Variants in NHS observed in about 807,000 individuals in gnomAD.
The protein encoded by NHS is actin remodeling regulator NHS.
In NHS, 5 loss-of-function variants were observed where a neutral mutation model predicts 72.5. The observed-to-expected ratio is 0.07, with a 90% CI of 0.04 to 0.14. The LOEUF (loss-of-function observed/expected upper bound fraction) is 0.14, where lower values mean the gene tolerates loss of function less well. Ranked by LOEUF, NHS falls within the 10% of genes least tolerant of loss-of-function variation. The pLI is 1.00. For missense variants in NHS, 1,072 were observed against 1,355.7 expected (o/e 0.79, Z 3.29); for synonymous variants, 464 against 547.7 (o/e 0.85, Z 2.13).
At chrX:17,700,884 A>G (rs1302004079) in intron 3 of NHS, among the ~76,000 whole-genome samples, 4 of 111,896 alleles carry the variant, frequency 3.6e-5, no homozygotes, top group African/African-American at 9.8e-5. Context: ...TGCCTACAGT[A>G]TGCTACCCTT....
chrX:17,540,251 T>C (rs976328723), intron 1 of NHS, among the ~76,000 whole-genome samples: 10 of 111,724 alleles, frequency 9.0e-5, no homozygotes, highest in African/African-American at 3.3e-4. Flanking sequence ...TGCTGAGGAC[T>C]CCATCTCTCT....
chrX:17,703,082 A>AATGT (rs200562448), intron 3 of NHS, among the ~76,000 whole-genome samples: 1,774 of 110,842 alleles, frequency 0.016, 41 homozygotes, highest in African/African-American at 0.055. Flanking sequence ...CAGCCTGGGC[A>AATGT]ACATTGTGAG....
intron 1 of NHS, among the ~76,000 whole-genome samples, chrX:17,463,644 C>T (rs1296182537): frequency 9.0e-6 from 1 of 111,231 alleles, no homozygotes; most frequent in African/African-American, 3.3e-5. Context: ...GGGAAAGGTT[C>T]CCTTTTGCCA....
At position 17,456,480 on chromosome X, in the gene NHS, A is replaced by G. The variant is rs186386539; in HGVS notation, c.565+80158A>G. On this transcript the variant is annotated intron_variant, in intron 1 of 8. Transcript: ENST00000676302. Reference sequence around the variant, plus strand: ...CTCAAGTTCCATGTTGGGGATCAATAAACTATAAAAACAAGAAGAAAAAGC... The same window carrying G: ...CTCAAGTTCCATGTTGGGGATCAATGAACTATAAAAACAAGAAGAAAAAGC... Among the ~76,000 whole-genome samples the G allele has an allele frequency of 6.2e-5, 7 of 112,243 alleles. No homozygotes were observed. In the East Asian group the frequency reaches 2.0e-3, roughly 31 times the overall value.
chrX:17,622,260 C>T (rs1396901966), intron 1 of NHS, among the ~76,000 whole-genome samples: 1 of 112,029 alleles, frequency 8.9e-6, no homozygotes, highest in Non-Finnish European at 1.9e-5. Context: ...TTTTGAAGTC[C>T]TGGAGATACA....
chrX:17,703,768 A>C (rs947398322), intron 3 of NHS, among the ~76,000 whole-genome samples: 3 of 112,342 alleles, frequency 2.7e-5, no homozygotes, highest in African/African-American at 9.7e-5. Context: ...GAATTTCCTT[A>C]ACAGTAATCT....
chrX:17,476,424 GT>G (rs1443836988), intron 1 of NHS, among the ~76,000 whole-genome samples: 2 of 111,609 alleles, frequency 1.8e-5, no homozygotes. Flanking sequence ...GGAATTAGAT[GT>G]CTTGTGTTGA....
intron 4 of NHS, among the ~76,000 whole-genome samples, chrX:17,719,830 A>G (rs2147136971): frequency 8.9e-6 from 1 of 112,052 alleles, no homozygotes; most frequent in African/African-American, 3.2e-5. Context: ...GCTTGTAGTC[A>G]GGTCACTATC....
intron 8 of NHS, among the ~76,000 whole-genome samples, chrX:17,731,224 CTTTTTTT>C (rs142686353): frequency 2.9e-5 from 1 of 34,820 alleles, no homozygotes; most frequent in Non-Finnish European, 4.6e-5. Context: ...TAGTTTCTTC[CTTTTTTT>C]TTTTTTTTTT....
chrX:17,694,082 G>A (rs1009521501), intron 3 of NHS, among the ~76,000 whole-genome samples: 4 of 111,829 alleles, frequency 3.6e-5, no homozygotes, highest in African/African-American at 9.8e-5. Flanking sequence ...TTTTAATAAT[G>A]TCTAAATACT....
chrX:17,500,239 T>C (rs1376493640), intron 1 of NHS, among the ~76,000 whole-genome samples: 4 of 112,146 alleles, frequency 3.6e-5, no homozygotes, highest in Admixed American at 2.8e-4. Context: ...GGCCAGTGCC[T>C]TTCCCAGTCT....
chrX:17,498,330 G>A (rs771268937), intron 1 of NHS, among the ~76,000 whole-genome samples: 1 of 111,172 alleles, frequency 9.0e-6, no homozygotes, highest in African/African-American at 3.3e-5. Flanking sequence ...GGGATGTGTC[G>A]AGAGATATCC....
chrX:17,412,321 G>A (rs2064563761), intron 1 of NHS, among the ~76,000 whole-genome samples: 1 of 111,201 alleles, frequency 9.0e-6, no homozygotes, highest in Admixed American at 9.6e-5. Context: ...GTTGCTGGGT[G>A]CAGTGGCTCA....
chrX:17,710,726 C>G (rs1223562581), intron 3 of NHS, among the ~76,000 whole-genome samples: 1 of 111,457 alleles, frequency 9.0e-6, no homozygotes, highest in African/African-American at 3.3e-5. Context: ...TTACAAGAGT[C>G]TATACATGTG....
In NHS at chrX:17,628,444, T is replaced by C. The variant is rs2065808864; in HGVS notation, c.566-59298T>C. ...GGAGAGCATTGCATAAGGGGGCATATGTAGCCTCTCATGCATGCATATGCA... is the reference window on the plus strand; with the variant it reads ...GGAGAGCATTGCATAAGGGGGCATACGTAGCCTCTCATGCATGCATATGCA... On this transcript the variant is annotated intron_variant, in intron 1 of 8. Transcript: ENST00000676302. 4.4e-5 allele frequency among the ~76,000 whole-genome samples: 5 copies of C among 112,792 alleles called. No homozygotes were observed. The Admixed American group carries it at 4.6e-4, about 10-fold the overall frequency.
intron 1 of NHS, among the ~76,000 whole-genome samples, chrX:17,654,856 C>T (rs1016678736): frequency 7.1e-5 from 8 of 112,673 alleles, no homozygotes; most frequent in African/African-American, 1.6e-4. Context: ...CTAAATGGCT[C>T]TCTGCCTTCT....
chrX:17,414,386 C>T (rs769184881), intron 1 of NHS, among the ~76,000 whole-genome samples: 14 of 112,369 alleles, frequency 1.2e-4, no homozygotes, highest in African/African-American at 4.2e-4. Flanking sequence ...CATGTTTGGT[C>T]ATGAATGTCA....
intron 1 of NHS, among the ~76,000 whole-genome samples, chrX:17,580,365 G>A (rs1601784821): frequency 8.9e-6 from 1 of 111,814 alleles, no homozygotes; most frequent in Non-Finnish European, 1.9e-5. Flanking sequence ...CACCTACTAC[G>A]TACCACACAC....
At chrX:17,386,387 G>A (rs371804118) in intron 1 of NHS, among the ~76,000 whole-genome samples, 4 of 111,333 alleles carry the variant, frequency 3.6e-5, no homozygotes, top group Admixed American at 9.5e-5. Flanking sequence ...CAGGCCAGGC[G>A]TAGTGGCTCA....
Sources: allele counts gnomAD v4.1 joint callset (sites outside exome capture counted in the v4.1 genomes callset), GRCh38; gene constraint gnomAD v4.1.1; transcripts MANE v1.5; gene names NCBI Gene and HGNC (gene_info 2026-07-23, HGNC 2026-07-21).